PPP2R2C: variants seen among roughly 807,000 people sequenced by gnomAD.
The protein encoded by PPP2R2C is protein phosphatase 2, regulatory subunit B, gamma.
A neutral mutation model predicts 45.3 loss-of-function variants in PPP2R2C; 10 were observed. That is an observed-to-expected ratio of 0.22 (90% CI 0.14 to 0.37). The LOEUF is 0.37. Ranked by LOEUF, PPP2R2C falls within the 10% of genes least tolerant of loss-of-function variation. The probability of loss-of-function intolerance (pLI) is 1.00; values close to 1 mark genes in which losing one functional copy is unlikely to be tolerated. For synonymous variants in PPP2R2C, 257 were observed against 245.4 expected (o/e 1.05, Z -0.44); for missense variants, 308 against 619.7 (o/e 0.50, Z 5.34).
At chr4:6,504,303 T>G (rs1390214547) in intron 2 of PPP2R2C, among the ~76,000 whole-genome samples, 1 of 152,180 alleles carries the variant, frequency 6.6e-6, no homozygotes, top group Non-Finnish European at 1.5e-5. Context: ...GGGGACATTT[T>G]ACAGTCTGAG....
rs566974463 is a variant in PPP2R2C at position 6,377,532 on chromosome 4, G to A, written c.334+875C>T. Among the ~76,000 whole-genome samples the A allele has an allele frequency of 2.7e-3, 415 of 152,262 alleles. 2 individuals carry two copies. The highest frequency in any genetic ancestry group is 4.2e-3 in the Non-Finnish European group (289 of 68,022). On this transcript the variant is annotated intron_variant, in intron 3 of 8. Transcript: ENST00000382599. ...AAATTAGCTGGGCATGGTGTTGGAC[G>A]CCTGTAATTCCAGCTACTCGGGAGG...
intron 1 of PPP2R2C, among the ~76,000 whole-genome samples, chr4:6,406,623 G>A (rs1251506595): frequency 6.6e-6 from 1 of 152,096 alleles, no homozygotes; most frequent in Non-Finnish European, 1.5e-5. Context: ...TGGGTATGGT[G>A]GCACGCACCT....
intron 2 of PPP2R2C, among the ~76,000 whole-genome samples, chr4:6,515,535 G>C (rs1217764326): frequency 1.3e-5 from 2 of 152,228 alleles, no homozygotes; most frequent in African/African-American, 4.8e-5. Context: ...GAGAACCACA[G>C]AGTACTCACC....
rs943279775 is a variant in PPP2R2C, at chr4:6,368,356, T to C, written c.625+4167A>G. Among the ~76,000 whole-genome samples, 2 of 152,164 alleles carry C rather than the reference T, an allele frequency of 1.3e-5. No homozygotes were observed. The highest frequency in any genetic ancestry group is 2.9e-5 in the Non-Finnish European group (2 of 68,042). Reference sequence around the variant, plus strand: ...CTCCCTGTAGCACCCACGGACCACCTGCTCCAATGCCGGGTATTTTACCAA... The same window carrying C: ...CTCCCTGTAGCACCCACGGACCACCCGCTCCAATGCCGGGTATTTTACCAA... On this transcript the variant is annotated intron_variant, in intron 5 of 8. Transcript: ENST00000382599. The surrounding 1 kb of genome is among the most constrained non-coding windows in gnomAD (Gnocchi z 4.2).
At position 6,378,654 on chromosome 4, in the gene PPP2R2C, G is replaced by A. The variant is rs1225845220; in HGVS notation, c.169-82C>T. Reference sequence around the variant, plus strand: ...GGACCTCCGGGGACCCAGCAGGGCCGGCCGTGGGACCAAGTGCCGAGCCGT... The same window carrying A: ...GGACCTCCGGGGACCCAGCAGGGCCAGCCGTGGGACCAAGTGCCGAGCCGT... On this transcript the variant is annotated intron_variant, in intron 2 of 8. Transcript: ENST00000382599. This position sits in a 1 kb window ranked among gnomAD's most constrained non-coding sequence, Gnocchi z 5.2. The A allele has an allele frequency of 2.1e-6, 3 of 1,456,110 alleles. No homozygotes were observed. Among genetic ancestry groups the A allele is most frequent in the East Asian group, 2.3e-5 (1 of 43,664 alleles). The allele number at this position is 1,456,110 out of a possible 1,614,324, so 90.2% of individuals were successfully genotyped here.
intron 1 of PPP2R2C, among the ~76,000 whole-genome samples, chr4:6,447,369 C>A (rs2108741492): frequency 6.6e-6 from 1 of 152,280 alleles, no homozygotes; most frequent in East Asian, 1.9e-4. Flanking sequence ...TGGAAATCCC[C>A]TTGAAATAAC....
chr4:6,416,492 C>G (rs1196776531), intron 1 of PPP2R2C, among the ~76,000 whole-genome samples: 1 of 152,218 alleles, frequency 6.6e-6, no homozygotes, highest in African/African-American at 2.4e-5. Flanking sequence ...CACTTGCCAC[C>G]AGGGTCTCCA....
chr4:6,463,691 G>A (rs907117471), intron 1 of PPP2R2C, among the ~76,000 whole-genome samples: 11 of 152,172 alleles, frequency 7.2e-5, no homozygotes, highest in Non-Finnish European at 1.0e-4. Flanking sequence ...TGCACACACC[G>A]TTCCTCCTGC....
chr4:6,408,417 C>T (rs1255467345), intron 1 of PPP2R2C, among the ~76,000 whole-genome samples: 1 of 152,162 alleles, frequency 6.6e-6, no homozygotes, highest in Admixed American at 6.5e-5. Flanking sequence ...CAAGAGGTAG[C>T]CACACCCTCC....
intron 1 of PPP2R2C, among the ~76,000 whole-genome samples, chr4:6,411,018 A>C (rs182426321): frequency 2.0e-5 from 3 of 151,970 alleles, no homozygotes; most frequent in Admixed American, 2.0e-4. Flanking sequence ...CTACAGGCGC[A>C]TGCCACCACA....
chr4:6,418,359 A>C (rs918348297), intron 1 of PPP2R2C, among the ~76,000 whole-genome samples: 6 of 152,112 alleles, frequency 3.9e-5, no homozygotes, highest in Non-Finnish European at 8.8e-5. Context: ...GAGGAAGCCA[A>C]AGCCCAGCAA....
intron 5 of PPP2R2C, among the ~76,000 whole-genome samples, chr4:6,356,136 G>T (rs1713166030): frequency 6.6e-6 from 1 of 152,118 alleles, no homozygotes; most frequent in African/African-American, 2.4e-5. Flanking sequence ...AGGCCCATGA[G>T]CGAGATCTTT....
At chr4:6,562,962 C>CAAAAAA (rs746793663) in intron 1 of PPP2R2C, among the ~76,000 whole-genome samples, 5 of 83,260 alleles carry the variant, frequency 6.0e-5, no homozygotes, top group African/African-American at 1.8e-4. Context: ...CCCTGCCAGC[C>CAAAAAA]AAAAAAAAAA....
chr4:6,511,018 G>A (rs1392422321), intron 2 of PPP2R2C, among the ~76,000 whole-genome samples: 3 of 140,478 alleles, frequency 2.1e-5, no homozygotes, highest in African/African-American at 5.7e-5. Context: ...AACAGAAAAT[G>A]TTTGTTGAAT....
intron 5 of PPP2R2C, among the ~76,000 whole-genome samples, chr4:6,355,993 G>GAAAAAAAAA (rs61011461): frequency 0.027 from 2,677 of 97,548 alleles, 124 homozygotes; most frequent in East Asian, 0.046. Context: ...ACTCTGCCTG[G>GAAAAAAAAA]AAAAAAAAAA....
intron 2 of PPP2R2C, among the ~76,000 whole-genome samples, chr4:6,504,722 G>A (rs1396497623): frequency 6.6e-6 from 1 of 152,176 alleles, no homozygotes; most frequent in African/African-American, 2.4e-5. Context: ...GTCAGTGAAA[G>A]TGAAGGGAGA....
chr4:6,457,362 A>G (rs1721099043), intron 1 of PPP2R2C, among the ~76,000 whole-genome samples: 1 of 152,150 alleles, frequency 6.6e-6, no homozygotes, highest in South Asian at 2.1e-4. Flanking sequence ...GTCCATAGGG[A>G]ATGCACTGGG....
intron 8 of PPP2R2C, among the ~76,000 whole-genome samples, chr4:6,325,431 G>T (rs1051684603): frequency 2.0e-5 from 3 of 152,190 alleles, no homozygotes; most frequent in African/African-American, 7.2e-5. Flanking sequence ...CCCTGCCCAG[G>T]CGCCACAGGC....
At chr4:6,458,584 GTACT>G (rs762106243) in intron 1 of PPP2R2C, among the ~76,000 whole-genome samples, 23 of 152,120 alleles carry the variant, frequency 1.5e-4, no homozygotes, top group East Asian at 7.7e-4. Context: ...TTTGGAGGGG[GTACT>G]TAAACATTCA....
Sources: gnomAD v4.1 joint callset for allele counts (sites outside exome capture counted in the v4.1 genomes callset) on GRCh38, gnomAD v4.1.1 for gene constraint, Gnocchi (gnomAD v3.1) non-coding constraint, MANE v1.5 for transcripts, NCBI Gene and HGNC (gene_info 2026-07-23, HGNC 2026-07-21) for gene names.